CACNA1D: variants seen among roughly 807,000 people sequenced by gnomAD.
CACNA1D encodes the protein voltage-dependent L-type calcium channel subunit alpha-1D.
A neutral mutation model predicts 257.1 loss-of-function variants in CACNA1D; 55 were observed. The ratio of observed to expected loss-of-function variants is 0.21; its 90% CI spans 0.17 to 0.27. The LOEUF (loss-of-function observed/expected upper bound fraction) is 0.27. Ranked by LOEUF, CACNA1D falls within the 10% of genes least tolerant of loss-of-function variation. The pLI is 1.00. For synonymous variants in CACNA1D, 980 were observed against 1,014.9 expected, an observed-to-expected ratio of 0.97 and a Z score of 0.65; for missense variants, 1,876 against 2,784.0, an observed-to-expected ratio of 0.67 and a Z score of 7.34.
At chr3:53,770,785 G>C (rs2095362085) in intron 32 of CACNA1D, among the ~76,000 whole-genome samples, 1 of 152,252 alleles carries the variant, frequency 6.6e-6, no homozygotes, top group Admixed American at 6.5e-5. Context: ...GTAGCTGAGA[G>C]ATCTGTAGCA....
chr3:53,633,419 C>T (rs1355677646), intron 3 of CACNA1D, among the ~76,000 whole-genome samples: 1 of 152,012 alleles, frequency 6.6e-6, no homozygotes, highest in African/African-American at 2.4e-5. Context: ...TGCACCATTA[C>T]ACTCCACCCT....
At chr3:53,735,587 G>T (rs939945688) in intron 20 of CACNA1D, 84 bp downstream of exon 20, 7 of 1,487,550 alleles carry the variant, frequency 4.7e-6, no homozygotes, top group Non-Finnish European at 3.7e-6. Context: ...AGCTGTGGAG[G>T]CCCTCAAGGT....
chr3:53,779,378 A>G (rs935291133), intron 37 of CACNA1D, among the ~76,000 whole-genome samples: 2 of 152,144 alleles, frequency 1.3e-5, no homozygotes, highest in Non-Finnish European at 2.9e-5. Context: ...CAGAGCCAAT[A>G]GGATGGATAT....
chr3:53,585,465 G>A (rs1229719250), intron 3 of CACNA1D, among the ~76,000 whole-genome samples: 7 of 152,108 alleles, frequency 4.6e-5, no homozygotes, highest in Non-Finnish European at 1.0e-4. Context: ...AAAAAACCCA[G>A]ACTCTTGAGT....
At chr3:53,662,220 A>G (rs1387968568) in intron 5 of CACNA1D, among the ~76,000 whole-genome samples, 2 of 152,186 alleles carry the variant, frequency 1.3e-5, no homozygotes, top group African/African-American at 4.8e-5. Flanking sequence ...GGAAATATAT[A>G]TTCATTCAGT....
rs190017876 is a variant in CACNA1D, at chr3:53,707,871, T to C, written c.1390+5061T>C. Among the ~76,000 whole-genome samples the C allele has an allele frequency of 1.6e-3, 249 of 152,296 alleles. 2 individuals are homozygous for C. The highest frequency in any genetic ancestry group is 5.8e-3 in the African/African-American group (241 of 41,566). On this transcript the variant is annotated intron_variant, in intron 9 of 47. Coordinates refer to ENST00000350061, the MANE Select transcript of CACNA1D (RefSeq NM_001128840.3). ...AATTCTGGCCAGAAAAGCAGGGCAATTTTATTGTAGGAACTATTAATGATT... is the reference window on the plus strand; with the variant it reads ...AATTCTGGCCAGAAAAGCAGGGCAACTTTATTGTAGGAACTATTAATGATT...
intron 3 of CACNA1D, among the ~76,000 whole-genome samples, chr3:53,613,398 C>T (rs867774712): frequency 3.9e-5 from 6 of 152,170 alleles, no homozygotes; most frequent in Middle Eastern, 3.4e-3. Context: ...TTCTTGTGAT[C>T]TAGTAGAGTG....
chr3:53,683,691 TAAAAG>T (rs897163142), intron 8 of CACNA1D, among the ~76,000 whole-genome samples: 4 of 149,724 alleles, frequency 2.7e-5, no homozygotes, highest in African/African-American at 9.7e-5. Context: ...ATGGACATAA[TAAAAG>T]AATAGGTAAA....
intron 3 of CACNA1D, among the ~76,000 whole-genome samples, chr3:53,554,053 G>A (rs1464313873): frequency 2.0e-5 from 3 of 151,896 alleles, no homozygotes; most frequent in Admixed American, 2.0e-4. Flanking sequence ...AAAATTAGCT[G>A]GGCGTGGTGG....
At chr3:53,757,323 T>A (rs2095271749) in intron 29 of CACNA1D, among the ~76,000 whole-genome samples, 1 of 152,216 alleles carries the variant, frequency 6.6e-6, no homozygotes, top group African/African-American at 2.4e-5. Flanking sequence ...ACATTGGGCT[T>A]CTTGTTGGGC....
At chr3:53,787,005 T>C in intron 40 of CACNA1D, 53 bp downstream of exon 40, 1 of 1,586,110 alleles carries the variant, frequency 6.3e-7, no homozygotes, top group Non-Finnish European at 8.7e-7. Flanking sequence ...TTTACAAGCT[T>C]ATTTGAAATA....
chr3:53,800,978 G>GTAGAAAAAGTT lies in CACNA1D; in HGVS notation c.5041-79_5041-69dup, dbSNP rs1487319580. Reference sequence around the variant, plus strand: ...AGCTTGCCTAGAATTTGTTTTTCATGTAGAAAAAGTTACCTAACATAGCTA... The same window carrying GTAGAAAAAGTT: ...AGCTTGCCTAGAATTTGTTTTTCATGTAGAAAAAGTTTAGAAAAAGTTACCTAACATAGCTA... On this transcript the variant is annotated intron_variant, in intron 41 of 47. Coordinates refer to ENST00000350061, the MANE Select transcript of CACNA1D (RefSeq NM_001128840.3). This position sits in a 1 kb window ranked among gnomAD's most constrained non-coding sequence, Gnocchi z 4.3. 6.3e-6 allele frequency: 9 copies of GTAGAAAAAGTT among 1,432,888 alleles called. No homozygotes were observed. Among genetic ancestry groups the GTAGAAAAAGTT allele is most frequent in the Non-Finnish European group, 7.9e-6 (8 of 1,018,088 alleles). 88.8% of individuals were successfully genotyped at this position (1,432,888 alleles called of 1,614,324 possible). A position where few individuals can be genotyped will look rare whatever the true frequency, so the allele number is the denominator to read the frequency against.
Position 53,650,980 on chromosome 3 carries a change from G to A in CACNA1D, c.623+62G>A, listed in dbSNP as rs574724474. 7 of 1,428,142 alleles carry A rather than the reference G, an allele frequency of 4.9e-6. No homozygotes were observed. The East Asian group carries it at 9.1e-5, about 19-fold the overall frequency. The allele number at this position is 1,428,142 out of a possible 1,614,324, so 88.5% of individuals were successfully genotyped here. A position where few individuals can be genotyped will look rare whatever the true frequency, so the allele number is the denominator to read the frequency against. On this transcript the variant is annotated intron_variant, in intron 4 of 47. Coordinates refer to ENST00000350061, the MANE Select transcript of CACNA1D (RefSeq NM_001128840.3). Reference sequence around the variant, plus strand: ...AAAATGGGAGGTGGAGGTTGGGGGGGGTGGTGGTAACAAAACAGTCTTTTT... The same window carrying A: ...AAAATGGGAGGTGGAGGTTGGGGGGAGTGGTGGTAACAAAACAGTCTTTTT...
intron 40 of CACNA1D, among the ~76,000 whole-genome samples, chr3:53,797,435 A>T (rs2095512787): frequency 2.6e-5 from 4 of 152,166 alleles, no homozygotes; most frequent in Admixed American, 2.0e-4. Flanking sequence ...GAATATAATC[A>T]TGATTTCTGA....
chr3:53,498,009 A>G (rs2090424551), intron 2 of CACNA1D, among the ~76,000 whole-genome samples: 1 of 152,222 alleles, frequency 6.6e-6, no homozygotes, highest in African/African-American at 2.4e-5. Flanking sequence ...AGGTAGCTGC[A>G]GATATGAGCA....
At chr3:53,640,819 GC>G (rs2108200899) in intron 3 of CACNA1D, among the ~76,000 whole-genome samples, 1 of 152,332 alleles carries the variant, frequency 6.6e-6, no homozygotes, top group South Asian at 2.1e-4. Flanking sequence ...GCCTCAGGGT[GC>G]CAGGAGAAAG....
At chr3:53,521,682 G>A (rs2091582241) in intron 3 of CACNA1D, among the ~76,000 whole-genome samples, 1 of 152,030 alleles carries the variant, frequency 6.6e-6, no homozygotes, top group African/African-American at 2.4e-5. Context: ...TTTTCAATAA[G>A]GAAGAGTCAT....
chr3:53,603,424 C>T (rs1367676472), intron 3 of CACNA1D, among the ~76,000 whole-genome samples: 1 of 152,144 alleles, frequency 6.6e-6, no homozygotes, highest in African/African-American at 2.4e-5. Flanking sequence ...TAAAATGAGA[C>T]ATAATAAGAA....
intron 29 of CACNA1D, among the ~76,000 whole-genome samples, chr3:53,756,199 G>C (rs1333345808): frequency 2.6e-5 from 4 of 152,138 alleles, no homozygotes; most frequent in African/African-American, 4.8e-5. Flanking sequence ...CATTTCAAGA[G>C]GGAACGGTTA....
Sources: gnomAD v4.1 joint callset for allele counts (sites outside exome capture counted in the v4.1 genomes callset) on GRCh38, gnomAD v4.1.1 for gene constraint, Gnocchi (gnomAD v3.1) non-coding constraint, MANE v1.5 for transcripts, NCBI Gene and HGNC (gene_info 2026-07-23, HGNC 2026-07-21) for gene names.